The following PIWIL2 variants were observed in gnomAD, a reference collection of about 807,000 sequenced individuals.
PIWIL2 encodes piwi-like protein 2.
A neutral mutation model predicts 116.5 loss-of-function variants in PIWIL2; 81 were observed. The observed-to-expected ratio is 0.70, with a 90% CI of 0.58 to 0.84. The LOEUF is 0.84. Among genes scored for constraint, PIWIL2 ranks in the 40% least tolerant of loss-of-function variants. PIWIL2 has a pLI of 0.00. For synonymous variants in PIWIL2, 489 were observed against 429.5 expected, an observed-to-expected ratio of 1.14 and a Z score of -1.71; for missense variants, 1,272 against 1,212.3, an observed-to-expected ratio of 1.05 and a Z score of -0.73.
At chr8:22,320,645 C>G (rs1381378025) in intron 20 of PIWIL2, among the ~76,000 whole-genome samples, 2 of 151,608 alleles carry the variant, frequency 1.3e-5, no homozygotes, top group African/African-American at 4.9e-5. Flanking sequence ...GGCTGAAGTG[C>G]AATGGCACAA....
At chr8:22,302,230 A>T (rs957176877) in intron 10 of PIWIL2, among the ~76,000 whole-genome samples, 1 of 151,782 alleles carries the variant, frequency 6.6e-6, no homozygotes, top group Non-Finnish European at 1.5e-5. Flanking sequence ...TCACCAGGCT[A>T]AAGTGCAGTG....
Position 22,303,951 on chromosome 8 carries a change from G to A in PIWIL2, c.1182-70G>A, listed in dbSNP as rs1032010343. 6.4e-6 allele frequency: 6 copies of A among 942,662 alleles called. No homozygotes were observed. The African/African-American group carries it at 8.3e-5, about 13-fold the overall frequency. The allele number at this position is 942,662 out of a possible 1,614,324, so 58.4% of individuals were successfully genotyped here. A position where few individuals can be genotyped will look rare whatever the true frequency, so the allele number is the denominator to read the frequency against. ...CTGTGATTAGATTCCTCAATTACTT[G>A]ATCCCCTATCCCTTTCATACTGTTC... is the stretch of plus-strand genomic sequence containing the variant. On this transcript the variant is annotated intron_variant, in intron 10 of 22. Transcript: ENST00000356766.
chr8:22,303,420 C>G (rs1394445458), intron 10 of PIWIL2, among the ~76,000 whole-genome samples: 1 of 152,116 alleles, frequency 6.6e-6, no homozygotes, highest in African/African-American at 2.4e-5. Context: ...GGGACAGGGC[C>G]TTACTTTGTC....
intron 20 of PIWIL2, among the ~76,000 whole-genome samples, chr8:22,329,019 A>T (rs977850476): frequency 1.3e-5 from 2 of 152,028 alleles, no homozygotes; most frequent in Non-Finnish European, 1.5e-5. Flanking sequence ...GCAGTGCTAA[A>T]ATCAGGCATC....
At chr8:22,292,188 G>A (rs555013164) in intron 10 of PIWIL2, among the ~76,000 whole-genome samples, 4 of 152,312 alleles carry the variant, frequency 2.6e-5, no homozygotes, top group Middle Eastern at 3.4e-3. Context: ...GATTACACAG[G>A]GCTTTGTAGG....
intron 20 of PIWIL2, among the ~76,000 whole-genome samples, chr8:22,348,047 A>T (rs1339384843): frequency 2.6e-5 from 4 of 152,186 alleles, no homozygotes; most frequent in Admixed American, 6.5e-5. Flanking sequence ...CTGTAATCCC[A>T]GCACTTTTGG....
At chr8:22,355,278 T>G in intron 22 of PIWIL2, 71 bp from the exon 23 acceptor site, 1 of 1,462,622 alleles carries the variant, frequency 6.8e-7, no homozygotes, top group Non-Finnish European at 9.6e-7. Context: ...CCCGTGACTA[T>G]TGTATTGTAT....
intron 20 of PIWIL2, among the ~76,000 whole-genome samples, chr8:22,338,723 T>TA (rs1181601249): frequency 2.8e-5 from 4 of 142,376 alleles, no homozygotes; most frequent in South Asian, 4.6e-4. Flanking sequence ...AATAAATAAA[T>TA]AACAACATTT....
In PIWIL2 at chr8:22,304,080, T is replaced by C; in HGVS notation, c.1241T>C (p.Val414Ala). The C allele has an allele frequency of 6.2e-7, 1 of 1,613,292 alleles. No individual in the cohort carries two copies. The highest frequency in any genetic ancestry group is 8.5e-7 in the Non-Finnish European group (1 of 1,179,204). ...HFQDECTKLL[V>A]GNIVITRYNN... ...CAGGATGAGTGTACTAAGCTTCTGG[T>C]TGGCAATATTGTTATCACCCGATAT... The change falls in exon 11 of 23, where the codon GTT becomes GCT. Residue 414 changes from valine to alanine, a missense_variant. Coordinates refer to ENST00000356766, the MANE Select transcript of PIWIL2 (RefSeq NM_018068.5).
chr8:22,301,414 C>T (rs1417983262), intron 10 of PIWIL2, among the ~76,000 whole-genome samples: 1 of 152,128 alleles, frequency 6.6e-6, no homozygotes. Context: ...ATGCCTTGGC[C>T]TCCTGAGTAG....
chr8:22,318,981 C>T (rs1227744423), intron 20 of PIWIL2, among the ~76,000 whole-genome samples: 2 of 152,170 alleles, frequency 1.3e-5, no homozygotes, highest in South Asian at 4.1e-4. Context: ...CAAATGCCTC[C>T]TTATAAATCA....
At chr8:22,343,448 A>C (rs1304096102) in intron 20 of PIWIL2, among the ~76,000 whole-genome samples, 2 of 151,916 alleles carry the variant, frequency 1.3e-5, no homozygotes, top group African/African-American at 4.8e-5. Context: ...AAAAAAAAAA[A>C]TTAGCTGGGC....
intron 10 of PIWIL2, among the ~76,000 whole-genome samples, chr8:22,295,978 C>T (rs996881685): frequency 8.0e-5 from 12 of 150,322 alleles, no homozygotes; most frequent in Non-Finnish European, 1.2e-4. Flanking sequence ...GTTGCTCTCC[C>T]GGCTGGCTGA....
In PIWIL2 at chr8:22,304,018, A is replaced by G. The variant is rs1380977686; in HGVS notation, c.1182-3A>G. On this transcript the variant is annotated splice_polypyrimidine_tract_variant and splice_region_variant and intron_variant, in intron 10 of 22. Transcript: ENST00000356766. ...TCCAAAAGTCTTTTATCTCTTTCCA[A>G]AGGCATGCCATTTATCAGCAGAATA... is the stretch of plus-strand genomic sequence containing the variant. 1.2e-6 allele frequency: 2 copies of G among 1,606,446 alleles called. No individual in the cohort carries two copies. Among genetic ancestry groups the G allele is most frequent in the Non-Finnish European group, 1.7e-6 (2 of 1,175,234 alleles).
Position 22,311,130 on chromosome 8 carries a change from G to C in PIWIL2, c.1819G>C (p.Ala607Pro), listed in dbSNP as rs1446526967. Residue 607 changes from alanine (A) to proline (P), a missense_variant, in exon 16 of 23, where the codon GCA (alanine) becomes CCA (proline). Ala to Pro is a conservative substitution (Grantham distance 27). Transcript: ENST00000356766. ...TTCCTAGATCCCCATGCATTTCTGG[G>C]CACTTTTTTACCCAAAGAGAGCAAT... Reference protein sequence around the residue: ...SILTIPMHFWALFYPKRAMDQ... With the variant: ...SILTIPMHFWPLFYPKRAMDQ... The C allele has an allele frequency of 6.2e-7, 1 of 1,611,600 alleles. No homozygotes were observed. The highest frequency in any genetic ancestry group is 1.7e-5 in the Admixed American group (1 of 59,376).
At chr8:22,315,700 A>T (rs1831442245) in intron 18 of PIWIL2, among the ~76,000 whole-genome samples, 2 of 152,210 alleles carry the variant, frequency 1.3e-5, no homozygotes, top group Admixed American at 1.3e-4. Flanking sequence ...GTGAGTTTTC[A>T]GTGTCTTTAA....
rs540449946 is a variant in PIWIL2, at chr8:22,279,362, G to C, written c.-25G>C. On this transcript the variant is annotated 5_prime_UTR_variant, in exon 2 of 23. Coordinates refer to ENST00000356766, the MANE Select transcript of PIWIL2 (RefSeq NM_018068.5). Reference sequence around the variant, plus strand: ...GCAGGTAATTAACCAGAACAGGATCGACACGTGTTCTCTACAGCCCGTCCA... The same window carrying C: ...GCAGGTAATTAACCAGAACAGGATCCACACGTGTTCTCTACAGCCCGTCCA... The C allele has an allele frequency of 3.2e-6, 5 of 1,580,942 alleles. No homozygotes were observed. The highest frequency in any genetic ancestry group is 1.7e-5 in the Admixed American group (1 of 59,964).
At chr8:22,281,243 T>C (rs755871439) in intron 3 of PIWIL2, 36 bp downstream of exon 3, 13 of 1,552,886 alleles carry the variant, frequency 8.4e-6, no homozygotes, top group Middle Eastern at 3.4e-4. Flanking sequence ...TTTGGTGGTA[T>C]GTATGATTGG....
chr8:22,307,930 T>G lies in PIWIL2; in HGVS notation c.1546-3T>G. 6.3e-7 allele frequency: 1 copy of G among 1,599,494 alleles called. No individual in the cohort carries two copies. Among genetic ancestry groups the G allele is most frequent in the Non-Finnish European group, 8.5e-7 (1 of 1,170,030 alleles). On this transcript the variant is annotated splice_polypyrimidine_tract_variant and splice_region_variant and intron_variant, in intron 13 of 22. Transcript: ENST00000356766. ...AAGTTATCTTTATTTTAATTCTGTT[T>G]AGGATTTGGCTCAGCAAATCAATCT...
Sources: gnomAD v4.1 joint callset for allele counts (sites outside exome capture counted in the v4.1 genomes callset) on GRCh38, gnomAD v4.1.1 for gene constraint, MANE v1.5 for transcripts, NCBI Gene and HGNC (gene_info 2026-07-23, HGNC 2026-07-21) for gene names.